Variants in RPP40 observed in about 807,000 individuals in gnomAD.
The protein encoded by RPP40 is ribonuclease P protein subunit p40.
RPP40 carries 30 observed loss-of-function variants against 42.5 expected under a neutral mutation model. The ratio of observed to expected loss-of-function variants is 0.71; its 90% CI spans 0.53 to 0.96. RPP40 has a LOEUF of 0.96. Ranked by LOEUF, RPP40 falls within the 40% of genes least tolerant of loss-of-function variation. The probability of loss-of-function intolerance (pLI) is 0.00; values close to 1 mark genes in which losing one functional copy is unlikely to be tolerated. For missense variants in RPP40, 426 were observed against 433.5 expected, an observed-to-expected ratio of 0.98 and a Z score of 0.15; for synonymous variants, 173 against 164.0, an observed-to-expected ratio of 1.05 and a Z score of -0.42.
chr6:4,988,553 G>A, the RPP40 span, among the ~76,000 whole-genome samples: 1 of 152,000 alleles, frequency 6.6e-6, no homozygotes, highest in African/African-American at 2.4e-5. Context: ...TCATTTCAAG[G>A]ATGTTATATA....
At position 5,002,180 on chromosome 6, in the gene RPP40, A is replaced by G. The variant is rs887780198; in HGVS notation, c.189T>C (p.Thr63=). 3.7e-6 allele frequency: 6 copies of G among 1,611,844 alleles called. No homozygotes were observed. Among genetic ancestry groups the G allele is most frequent in the Non-Finnish European group, 5.1e-6 (6 of 1,177,878 alleles). ...SEELKNLVMN[T]GPYYFVKNLP... Reference sequence around the variant, plus strand: ...AATTCTTCACAAAGTAATAGGGTCCAGTGTTCATGACCAGGTTTTTCAGTT... The same window carrying G: ...AATTCTTCACAAAGTAATAGGGTCCGGTGTTCATGACCAGGTTTTTCAGTT... The change falls in exon 2 of 8, where the codon ACT becomes ACC. Residue 63 remains threonine, a synonymous_variant. Transcript: ENST00000380051.
downstream of RPP40, among the ~76,000 whole-genome samples, chr6:4,993,856 T>C (rs1052331419): frequency 1.3e-5 from 2 of 151,334 alleles, no homozygotes; most frequent in Non-Finnish European, 2.9e-5. Context: ...TACCCCTACA[T>C]TGCATCTATC....
chr6:5,002,182 T>G lies in RPP40; in HGVS notation c.187A>C (p.Thr63Pro), dbSNP rs1005391036. 6.8e-6 allele frequency: 11 copies of G among 1,612,262 alleles called. No individual in the cohort carries two copies. The highest frequency in any genetic ancestry group is 7.6e-6 in the Non-Finnish European group (9 of 1,178,244). The part of the protein sequence containing the change: ...SEELKNLVMN[T>P]GPYYFVKNLP... ...TTCTTCACAAAGTAATAGGGTCCAG[T>G]GTTCATGACCAGGTTTTTCAGTTCT... The change falls in exon 2 of 8, where the codon ACT becomes CCT. Residue 63 changes from threonine (T) to proline (P), a missense_variant. Physicochemically the swap from Thr to Pro is conservative, Grantham distance 38. Coordinates refer to ENST00000380051, the MANE Select transcript of RPP40 (RefSeq NM_006638.4).
the RPP40 span, among the ~76,000 whole-genome samples, chr6:4,988,535 C>T: frequency 0.32 from 48,081 of 151,970 alleles, 8,611 homozygotes; most frequent in African/African-American, 0.49. Context: ...TCCATTTCTA[C>T]AATTTTTTCA....
At chr6:5,002,061 T>C (rs750608056) in intron 2 of RPP40, 40 bp downstream of exon 2, 9 of 1,583,958 alleles carry the variant, frequency 5.7e-6, no homozygotes, top group Non-Finnish European at 7.8e-6. Context: ...CTACCCTTCC[T>C]CATCCAGCCT....
chr6:4,995,901 A>T (rs1434821130), intron 7 of RPP40, 50 bp downstream of exon 7: 1 of 1,551,328 alleles, frequency 6.4e-7, no homozygotes, highest in African/African-American at 1.4e-5. Flanking sequence ...TATTCGACAT[A>T]CTGTTCTATA....
rs1203160001 is a variant in RPP40 at position 4,998,807 on chromosome 6, G to C, written c.468C>G (p.Asn156Lys). Reference protein sequence around the residue: ...VSIDLMELSLNLDSKKYERIS... With the variant: ...VSIDLMELSLKLDSKKYERIS... ...TTCTTTCATACTTCTTAGAATCCAA[G>C]TTTAAGGATAATTCCATCAAATCAA... Residue 156 changes from asparagine to lysine, a missense_variant, in exon 5 of 8, where the codon AAC becomes AAG. Asn to Lys is a moderately conservative substitution (Grantham distance 94). Coordinates refer to ENST00000380051, the MANE Select transcript of RPP40 (RefSeq NM_006638.4). The C allele has an allele frequency of 3.4e-6, 5 of 1,478,340 alleles. No individual in the cohort carries two copies. In the Admixed American group the frequency reaches 1.0e-4, roughly 31 times the overall value. 91.6% of individuals were successfully genotyped at this position (1,478,340 alleles called of 1,614,324 possible).
intron 1 of RPP40, chr6:5,003,565 C>G: frequency 4.2e-6 from 1 of 236,356 alleles, no homozygotes; most frequent in Non-Finnish European, 8.2e-6. Flanking sequence ...CCCTGAACCT[C>G]GAATCCCTCC....
At chr6:4,990,695 G>C (rs545471998), downstream of RPP40, among the ~76,000 whole-genome samples, 77 of 138,644 alleles carry the variant, frequency 5.6e-4, no homozygotes, top group African/African-American at 2.1e-3. Flanking sequence ...TGTCCAGTCT[G>C]TCCTTGAACT....
rs140492752 is a variant in RPP40, at chr6:4,998,832, A to G, written c.443T>C (p.Ile148Thr). The change falls in exon 5 of 8, where the codon ATT becomes ACT. Residue 148 changes from isoleucine (I) to threonine (T), a missense_variant. Transcript: ENST00000380051. ...GTTTAAGGATAATTCCATCAAATCA[A>G]TGGAAACAACTTTAAAAATGAAAAA... ...GRKIMKFIVS[I>T]DLMELSLNLD... The G allele has an allele frequency of 6.9e-4, 982 of 1,422,408 alleles. 2 individuals are homozygous for G. Among genetic ancestry groups the G allele is most frequent in the South Asian group, 2.1e-3 (160 of 76,056 alleles). 88.1% of individuals were successfully genotyped at this position (1,422,408 alleles called of 1,614,324 possible). A position where few individuals can be genotyped will look rare whatever the true frequency, so the allele number is the denominator to read the frequency against.
intron 1 of RPP40, chr6:5,003,531 C>G (rs2127544460): frequency 1.0e-5 from 2 of 195,390 alleles, no homozygotes; most frequent in Middle Eastern, 3.8e-3. Context: ...GTGGCTGCCC[C>G]ACAGCCTAAC....
Position 4,996,345 on chromosome 6 carries a change from C to A in RPP40, c.635G>T (p.Ser212Ile). 1 of 1,614,094 alleles carries A rather than the reference C, an allele frequency of 6.2e-7. No individual in the cohort carries two copies. Among genetic ancestry groups the A allele is most frequent in the Non-Finnish European group, 8.5e-7 (1 of 1,180,034 alleles). Residue 212 changes from serine to isoleucine, a missense_variant, in exon 6 of 8, where the codon AGC (serine) becomes ATC (isoleucine). Transcript: ENST00000380051. The stretch of plus-strand genomic sequence containing the variant: ...TGGGCACTGGAGATCTCTCAACGTG[C>A]TCAGTGCTACTTTTGGCTGATGCTC... ...IQEHQPKVAL[S>I]TLRDLQCPVL...
chr6:5,004,004 C>G lies in RPP40; in HGVS notation c.-2G>C. 6.2e-7 allele frequency: 1 copy of G among 1,604,762 alleles called. No individual in the cohort carries two copies. The highest frequency in any genetic ancestry group is 8.5e-7 in the Non-Finnish European group (1 of 1,177,046). Reference sequence around the variant, plus strand: ...CCGAAGCCGGCGCAGCGTGGCCATGCTCTCCTGGGTTCCTGGTCCTCCCGG... The same window carrying G: ...CCGAAGCCGGCGCAGCGTGGCCATGGTCTCCTGGGTTCCTGGTCCTCCCGG... On this transcript the variant is annotated 5_prime_UTR_variant, in exon 1 of 8. Transcript: ENST00000380051.
chr6:4,988,614 T>C, the RPP40 span, among the ~76,000 whole-genome samples: 1 of 152,180 alleles, frequency 6.6e-6, no homozygotes, highest in African/African-American at 2.4e-5. Context: ...TTTCACTCCA[T>C]ATAATTCCCT....
chr6:5,003,429 C>T (rs937743160), intron 1 of RPP40, among the ~76,000 whole-genome samples: 12 of 151,278 alleles, frequency 7.9e-5, no homozygotes, highest in Non-Finnish European at 1.8e-4. Context: ...TCCACAGGTA[C>T]GCAGGTGGGA....
In RPP40 at chr6:5,002,187, A is replaced by G. The variant is rs762243819; in HGVS notation, c.182T>C (p.Met61Thr). 1 of 1,612,930 alleles carries G rather than the reference A, an allele frequency of 6.2e-7. No individual in the cohort carries two copies. The highest frequency in any genetic ancestry group is 8.5e-7 in the Non-Finnish European group (1 of 1,178,890). The change falls in exon 2 of 8, where the codon ATG becomes ACG. Residue 61 changes from methionine to threonine, a missense_variant. By Grantham distance (81) the Met-to-Thr change is moderately conservative (BLOSUM62 -1). Transcript: ENST00000380051. ...ILSEELKNLV[M>T]NTGPYYFVKN... ...CACAAAGTAATAGGGTCCAGTGTTC[A>G]TGACCAGGTTTTTCAGTTCTTCCGA...
downstream of RPP40, among the ~76,000 whole-genome samples, chr6:4,992,929 C>CT (rs1309157845): frequency 3.9e-5 from 6 of 152,214 alleles, no homozygotes; most frequent in African/African-American, 1.4e-4. Context: ...TTATCACACT[C>CT]TATCTTCAAA....
rs1168401886 is a variant in RPP40 at position 4,996,027 on chromosome 6, C to A, written c.817G>T (p.Val273Leu). ...TYCCPEPSTV[V>L]AKAYLCTITG... ...ATTGTACACAAATAAGCTTTTGCCA[C>A]CACTGTGCTTGGCTCAGGACAGCAA... The change falls in exon 7 of 8, where the codon GTG becomes TTG. Residue 273 changes from valine (V) to leucine (L), a missense_variant. By Grantham distance (32) the Val-to-Leu change is conservative. Transcript: ENST00000380051. The A allele has an allele frequency of 3.7e-6, 6 of 1,614,018 alleles. No homozygotes were observed. Among genetic ancestry groups the A allele is most frequent in the Non-Finnish European group, 5.1e-6 (6 of 1,179,906 alleles).
rs768432319 is a variant in RPP40, at chr6:5,000,557, T to G, written c.337+6A>C. ...ATTAAAGAAAGATGAAAAAATAAAG[T>G]GTTACCATTTGGTAGCAGGGCAACA... On this transcript the variant is annotated splice_donor_region_variant and intron_variant, in intron 3 of 7. Transcript: ENST00000380051. 5.5e-6 allele frequency: 8 copies of G among 1,446,722 alleles called. No individual in the cohort carries two copies. The highest frequency in any genetic ancestry group is 5.8e-6 in the Non-Finnish European group (6 of 1,037,380). 89.6% of individuals were successfully genotyped at this position (1,446,722 alleles called of 1,614,324 possible).
Sources: gnomAD v4.1 joint callset for allele counts (sites outside exome capture counted in the v4.1 genomes callset) on GRCh38, gnomAD v4.1.1 for gene constraint, MANE v1.5 for transcripts, NCBI Gene and HGNC (gene_info 2026-07-23, HGNC 2026-07-21) for gene names.